CALN1: variants seen among roughly 807,000 people sequenced by gnomAD.
CALN1 encodes calcium-binding protein 8.
Under a neutral mutation model 30.6 loss-of-function variants are expected in CALN1, and 17 were observed. The observed-to-expected ratio is 0.56, with a 90% confidence interval of 0.38 to 0.83. CALN1 has a LOEUF of 0.83. Among genes scored for constraint, CALN1 ranks in the 40% least tolerant of loss-of-function variants. The pLI is 0.00. For missense variants in CALN1, 291 were observed against 354.9 expected, an observed-to-expected ratio of 0.82 and a Z score of 1.45; for synonymous variants, 156 against 131.4, an observed-to-expected ratio of 1.19 and a Z score of -1.28.
At chr7:72,158,748 G>C (rs1787897734) in intron 3 of CALN1, among the ~76,000 whole-genome samples, 1 of 152,204 alleles carries the variant, frequency 6.6e-6, no homozygotes, top group South Asian at 2.1e-4. Flanking sequence ...GGGTAGTGGA[G>C]CGAGTAGTTT....
At chr7:71,902,928 C>T (rs1048675108) in intron 5 of CALN1, among the ~76,000 whole-genome samples, 9 of 151,566 alleles carry the variant, frequency 5.9e-5, no homozygotes, top group African/African-American at 1.9e-4. Flanking sequence ...ACAGTGTATA[C>T]ACATGGACAT....
chr7:72,499,881 C>T, the CALN1 span, among the ~76,000 whole-genome samples: 5 of 60,832 alleles, frequency 8.2e-5, no homozygotes, highest in African/African-American at 2.1e-4. Context: ...TTCTTTCTTT[C>T]TTTCTTTCTT....
At chr7:72,253,546 A>T (rs1795706502) in intron 3 of CALN1, among the ~76,000 whole-genome samples, 2 of 152,218 alleles carry the variant, frequency 1.3e-5, no homozygotes, top group Admixed American at 1.3e-4. Context: ...TACCATGGCG[A>T]AGCAAGAGAA....
At chr7:72,274,855 T>A (rs908445728) in intron 3 of CALN1, among the ~76,000 whole-genome samples, 1 of 152,158 alleles carries the variant, frequency 6.6e-6, no homozygotes, top group Admixed American at 6.6e-5. Flanking sequence ...GATTCCCAAC[T>A]TTAATCTGAT....
intron 3 of CALN1, among the ~76,000 whole-genome samples, chr7:72,113,049 G>A (rs906847199): frequency 3.3e-5 from 5 of 152,136 alleles, no homozygotes; most frequent in Non-Finnish European, 5.9e-5. Flanking sequence ...GAGAAACACT[G>A]AGAGATGAGA....
At chr7:72,259,615 C>T (rs1796141418) in intron 3 of CALN1, among the ~76,000 whole-genome samples, 1 of 152,138 alleles carries the variant, frequency 6.6e-6, no homozygotes, top group African/African-American at 2.4e-5. Flanking sequence ...TGTGACTTGG[C>T]CAAGTGACTT....
chr7:72,350,854 G>C (rs1184533331), intron 2 of CALN1, among the ~76,000 whole-genome samples: 1 of 152,100 alleles, frequency 6.6e-6, no homozygotes, highest in Non-Finnish European at 1.5e-5. Context: ...GAATTTAAAG[G>C]TGATGGCTGG....
At chr7:72,160,897 C>T (rs562484670) in intron 3 of CALN1, among the ~76,000 whole-genome samples, 2 of 152,322 alleles carry the variant, frequency 1.3e-5, no homozygotes, top group East Asian at 1.9e-4. Flanking sequence ...TCCTTCCATA[C>T]CGGATAGAAA....
chr7:72,271,849 G>A (rs1310977447), intron 3 of CALN1, among the ~76,000 whole-genome samples: 1 of 151,622 alleles, frequency 6.6e-6, no homozygotes, highest in East Asian at 1.9e-4. Context: ...ATCACCTGAG[G>A]TCAGGAATTC....
At chr7:72,501,241 C>A in the CALN1 span, among the ~76,000 whole-genome samples, 1 of 150,988 alleles carries the variant, frequency 6.6e-6, no homozygotes, top group East Asian at 1.9e-4. Flanking sequence ...TGTAAGAAAA[C>A]CACAGAGGAG....
intron 2 of CALN1, among the ~76,000 whole-genome samples, chr7:72,303,295 C>A (rs1799422609): frequency 1.3e-5 from 2 of 152,102 alleles, no homozygotes; most frequent in Admixed American, 1.3e-4. Context: ...AAGAAGTGAA[C>A]TTCCAGCATC....
In CALN1 at chr7:72,052,249, C is replaced by A. The variant is rs192591692; in HGVS notation, c.389-28480G>T. On this transcript the variant is annotated intron_variant, in intron 4 of 6. Transcript: ENST00000395275. The stretch of plus-strand genomic sequence containing the variant: ...AACCATTTAGAAAATGGAGTAAATG[C>A]GGAGTTAAGGGGCTGTGAATATATA... Among the ~76,000 whole-genome samples the A allele has an allele frequency of 2.6e-5, 4 of 152,258 alleles. No homozygotes were observed. The East Asian group carries it at 5.8e-4, about 22-fold the overall frequency.
chr7:72,417,232 T>A (rs1038014190), upstream of CALN1, among the ~76,000 whole-genome samples: 3 of 152,152 alleles, frequency 2.0e-5, no homozygotes, highest in Non-Finnish European at 4.4e-5. Context: ...CCCCGTGCAA[T>A]GGGATTGGCA....
At chr7:72,474,987 C>G in the CALN1 span, among the ~76,000 whole-genome samples, 20 of 152,168 alleles carry the variant, frequency 1.3e-4, no homozygotes, top group African/African-American at 3.6e-4. Context: ...CTTTGTCCCC[C>G]CCAAGCCTGG....
chr7:72,181,029 C>T (rs1031688057), intron 3 of CALN1, among the ~76,000 whole-genome samples: 7 of 143,794 alleles, frequency 4.9e-5, no homozygotes, highest in South Asian at 2.3e-4. Context: ...ATCTGGGAGG[C>T]GGAAGTTGCA....
At chr7:72,094,397 G>GGTGTGT (rs1806078228) in intron 4 of CALN1, among the ~76,000 whole-genome samples, 1 of 152,096 alleles carries the variant, frequency 6.6e-6, no homozygotes, top group African/African-American at 2.4e-5. Flanking sequence ...TGGGAATACA[G>GGTGTGT]GCGCACACCA....
chr7:71,924,283 G>A (rs183691121), intron 5 of CALN1, among the ~76,000 whole-genome samples: 4 of 151,124 alleles, frequency 2.6e-5, no homozygotes, highest in Non-Finnish European at 4.4e-5. Flanking sequence ...AAAAGATTAG[G>A]ATTTCAGATC....
At chr7:72,203,401 A>G (rs1005810461) in intron 3 of CALN1, among the ~76,000 whole-genome samples, 2 of 152,120 alleles carry the variant, frequency 1.3e-5, no homozygotes, top group Non-Finnish European at 2.9e-5. Flanking sequence ...TGAGTAGGTC[A>G]TAGGTCATGC....
intron 2 of CALN1, among the ~76,000 whole-genome samples, chr7:72,359,598 T>C (rs1562920346): frequency 1.3e-5 from 2 of 152,136 alleles, no homozygotes; most frequent in Non-Finnish European, 2.9e-5. Context: ...GTATGCACTA[T>C]TCCTGACAAA....
Sources: allele counts gnomAD v4.1 joint callset (sites outside exome capture counted in the v4.1 genomes callset), GRCh38; gene constraint gnomAD v4.1.1; transcripts MANE v1.5; gene names NCBI Gene and HGNC (gene_info 2026-07-23, HGNC 2026-07-21).